ASTN2: variants seen among roughly 807,000 people sequenced by gnomAD.
The protein encoded by ASTN2 is astrotactin 2.
Under a neutral mutation model 139.8 loss-of-function variants are expected in ASTN2, and 54 were observed. The observed-to-expected ratio is 0.39, with a 90% confidence interval of 0.31 to 0.48. ASTN2 has a LOEUF of 0.48. Ranked by LOEUF, ASTN2 falls within the 20% of genes least tolerant of loss-of-function variation. The probability of loss-of-function intolerance (pLI) is 0.95; values close to 1 mark genes in which losing one functional copy is unlikely to be tolerated. For missense variants in ASTN2, 1,565 were observed against 1,725.1 expected (o/e 0.91, Z 1.64); for synonymous variants, 756 against 719.5 (o/e 1.05, Z -0.81).
In ASTN2 at chr9:116,699,522, A is replaced by C. The variant is rs757524831; in HGVS notation, c.2806+26249T>G. The C allele has an allele frequency of 6.2e-7, 1 of 1,614,204 alleles. No individual in the cohort carries two copies. The highest frequency in any genetic ancestry group is 1.1e-5 in the South Asian group (1 of 91,080). On this transcript the variant is annotated intron_variant, in intron 16 of 22. Coordinates refer to ENST00000313400, the MANE Select transcript of ASTN2 (RefSeq NM_001365068.1). The surrounding 1 kb of genome is among the most constrained non-coding windows in gnomAD (Gnocchi z 4.2). ...TCGTGGTGATCTCATCGTGGCTGAC[A>C]GTAGTCGCAAGGAAATTCTCCATTT...
chr9:116,951,267 G>A lies in ASTN2; in HGVS notation c.1889+23941C>T, dbSNP rs1026550073. Among the ~76,000 whole-genome samples the A allele has an allele frequency of 4.1e-5, 6 of 145,160 alleles. No homozygotes were observed. In the Admixed American group the frequency reaches 4.3e-4, roughly 10 times the overall value. The stretch of plus-strand genomic sequence containing the variant: ...CAGGAGAACAGCTTGAACCTGGGAG[G>A]CAGAGGTTGCAGTGAGCCAAGATCA... On this transcript the variant is annotated intron_variant, in intron 10 of 22. Transcript: ENST00000313400.
intron 17 of ASTN2, among the ~76,000 whole-genome samples, chr9:116,620,830 G>A (rs1856106115): frequency 6.6e-6 from 1 of 152,166 alleles, no homozygotes; most frequent in South Asian, 2.1e-4. Flanking sequence ...TGAGGTTTAC[G>A]ATAGCGATAG....
At chr9:117,236,133 A>G (rs1429392022) in intron 2 of ASTN2, among the ~76,000 whole-genome samples, 2 of 152,186 alleles carry the variant, frequency 1.3e-5, no homozygotes, top group Non-Finnish European at 2.9e-5. Flanking sequence ...ACATTCACCA[A>G]ATGAGTTATC....
chr9:116,870,095 T>C (rs1367049687), intron 10 of ASTN2, among the ~76,000 whole-genome samples: 1 of 151,854 alleles, frequency 6.6e-6, no homozygotes, highest in African/African-American at 2.4e-5. Context: ...GCTACTGCAC[T>C]CCAACCCATG....
chr9:117,112,944 A>T (rs1184516465), intron 4 of ASTN2, among the ~76,000 whole-genome samples: 4 of 152,228 alleles, frequency 2.6e-5, no homozygotes, highest in Middle Eastern at 3.2e-3. Context: ...AGATTTGAAG[A>T]AATACCTAAA....
intron 17 of ASTN2, among the ~76,000 whole-genome samples, chr9:116,644,712 G>A (rs2131904197): frequency 6.6e-6 from 1 of 152,266 alleles, no homozygotes; most frequent in South Asian, 2.1e-4. Flanking sequence ...CACTGGTATG[G>A]AGTGCAAGAT....
intron 10 of ASTN2, among the ~76,000 whole-genome samples, chr9:116,886,626 C>T (rs898960220): frequency 4.6e-5 from 7 of 152,278 alleles, no homozygotes; most frequent in African/African-American, 1.7e-4. Flanking sequence ...TCAGCCTTCC[C>T]TAAGTGCTGA....
chr9:116,725,640 C>T lies in ASTN2; in HGVS notation c.2806+131G>A, dbSNP rs1207183098. ...ACTGAAGCTCAGAGAGAGGCAGGGA[C>T]TTGCCCATGGTCACACAGCTTAGAC... On this transcript the variant is annotated intron_variant, in intron 16 of 22. Transcript: ENST00000313400. 4 of 872,694 alleles carry T rather than the reference C, an allele frequency of 4.6e-6. No homozygotes were observed. In the Admixed American group the frequency reaches 9.6e-5, roughly 21 times the overall value. The allele number at this position is 872,694 out of a possible 1,614,324, so 54.1% of individuals were successfully genotyped here.
At position 116,486,105 on chromosome 9, in the gene ASTN2, G is replaced by A. The variant is rs547357894; in HGVS notation, c.3497+1254C>T. Among the ~76,000 whole-genome samples the A allele has an allele frequency of 2.1e-3, 323 of 152,250 alleles. 1 individual carries two copies. The highest frequency in any genetic ancestry group is 7.4e-3 in the African/African-American group (307 of 41,552). On this transcript the variant is annotated intron_variant, in intron 20 of 22. Coordinates refer to ENST00000313400, the MANE Select transcript of ASTN2 (RefSeq NM_001365068.1). ...CAAAGGCTTTATAAGAGACCTATAGGGGTAAAGCAACTTACCTAAAGTCAC... is the reference window on the plus strand; with the variant it reads ...CAAAGGCTTTATAAGAGACCTATAGAGGTAAAGCAACTTACCTAAAGTCAC...
chr9:116,993,614 T>C (rs1836922477), intron 7 of ASTN2, among the ~76,000 whole-genome samples: 1 of 149,068 alleles, frequency 6.7e-6, no homozygotes, highest in South Asian at 2.1e-4. Context: ...AGTTACTATA[T>C]ACAGTATCTA....
chr9:117,242,904 C>T (rs1833257812), intron 2 of ASTN2, among the ~76,000 whole-genome samples: 1 of 152,210 alleles, frequency 6.6e-6, no homozygotes, highest in East Asian at 1.9e-4. Flanking sequence ...CTATAGCCTT[C>T]CAGTTTGCTT....
chr9:116,761,057 C>T (rs901119635), intron 13 of ASTN2, among the ~76,000 whole-genome samples: 4 of 152,188 alleles, frequency 2.6e-5, no homozygotes, highest in East Asian at 1.9e-4. Context: ...CATGGTACAA[C>T]GGGGAATAGC....
chr9:116,794,062 G>GCAAAA (rs959109744), intron 13 of ASTN2, among the ~76,000 whole-genome samples: 7 of 149,502 alleles, frequency 4.7e-5, no homozygotes, highest in African/African-American at 7.4e-5. Context: ...TAGCTGATAT[G>GCAAAA]CAAAACAAAA....
At chr9:117,405,680 G>C (rs189462718) in intron 1 of ASTN2, among the ~76,000 whole-genome samples, 2 of 152,196 alleles carry the variant, frequency 1.3e-5, no homozygotes, top group East Asian at 3.9e-4. Flanking sequence ...TTATATAGAA[G>C]TGTTTCAGTT....
At chr9:116,474,908 ACAAGGAACC>A (rs1175421971) in intron 20 of ASTN2, among the ~76,000 whole-genome samples, 1 of 152,142 alleles carries the variant, frequency 6.6e-6, no homozygotes, top group Non-Finnish European at 1.5e-5. Flanking sequence ...TTTGTTCCTG[ACAAGGAACC>A]CTAAAGTAGA....
chr9:116,674,858 A>G (rs574783633), intron 16 of ASTN2, among the ~76,000 whole-genome samples: 1 of 152,294 alleles, frequency 6.6e-6, no homozygotes, highest in East Asian at 1.9e-4. Flanking sequence ...TCCCCCAGCC[A>G]CCAAGTTATC....
intron 17 of ASTN2, among the ~76,000 whole-genome samples, chr9:116,624,994 C>T (rs1188084615): frequency 6.6e-6 from 1 of 152,092 alleles, no homozygotes; most frequent in Non-Finnish European, 1.5e-5. Flanking sequence ...ATAAAACAAA[C>T]CAAATAAATG....
rs539940722 is a variant in ASTN2 at position 116,981,849 on chromosome 9, T to C, written c.1592-5064A>G. 2.0e-5 allele frequency among the ~76,000 whole-genome samples: 3 copies of C among 152,330 alleles called. No homozygotes were observed. The East Asian group carries it at 5.8e-4, about 29-fold the overall frequency. ...TGGAGACCTAAAAAAAAGAATTTAC[T>C]CTCTTCACTATATTGGTTCTCATAA... is the stretch of plus-strand genomic sequence containing the variant. On this transcript the variant is annotated intron_variant, in intron 7 of 22. Coordinates refer to ENST00000313400, the MANE Select transcript of ASTN2 (RefSeq NM_001365068.1).
chr9:116,571,818 T>A (rs1443745449), intron 19 of ASTN2, among the ~76,000 whole-genome samples: 1 of 152,116 alleles, frequency 6.6e-6, no homozygotes, highest in Non-Finnish European at 1.5e-5. Flanking sequence ...TTCCCGTGTG[T>A]GTGTGACCGT....
Sources: gnomAD v4.1 joint callset for allele counts (sites outside exome capture counted in the v4.1 genomes callset) on GRCh38, gnomAD v4.1.1 for gene constraint, Gnocchi (gnomAD v3.1) non-coding constraint, MANE v1.5 for transcripts, NCBI Gene and HGNC (gene_info 2026-07-23, HGNC 2026-07-21) for gene names.